GAK: variants seen among roughly 807,000 people sequenced by gnomAD.
GAK encodes cyclin G associated kinase.
A neutral mutation model predicts 143.9 loss-of-function variants in GAK; 79 were observed. The observed-to-expected ratio is 0.55, with a 90% CI of 0.46 to 0.66. The LOEUF (loss-of-function observed/expected upper bound fraction) is 0.66. Among genes scored for constraint, GAK ranks in the 30% least tolerant of loss-of-function variants. The probability of loss-of-function intolerance (pLI) is 0.00; values close to 1 mark genes in which losing one functional copy is unlikely to be tolerated. For synonymous variants in GAK, 881 were observed against 765.5 expected (o/e 1.15, Z -2.49); for missense variants, 1,693 against 1,779.7 (o/e 0.95, Z 0.88).
rs1410684049 is a variant in GAK, at chr4:866,927, C to A, written c.2872+29G>T. Reference sequence around the variant, plus strand: ...GCCTCATCACTCATCTACTGTGAAGCCACTCGCCTTCAGAACAGAAACACG... The same window carrying A: ...GCCTCATCACTCATCTACTGTGAAGACACTCGCCTTCAGAACAGAAACACG... On this transcript the variant is annotated intron_variant, in intron 21 of 27. Coordinates refer to ENST00000314167, the MANE Select transcript of GAK (RefSeq NM_005255.4). 4 of 1,401,412 alleles carry A rather than the reference C, an allele frequency of 2.9e-6. No homozygotes were observed. In the East Asian group the frequency reaches 7.2e-5, roughly 25 times the overall value. 86.8% of individuals were successfully genotyped at this position (1,401,412 alleles called of 1,614,324 possible).
At chr4:877,236 T>A (rs1281550932) in intron 16 of GAK, 29 bp from the exon 17 acceptor site, 2 of 1,506,388 alleles carry the variant, frequency 1.3e-6, no homozygotes, top group Admixed American at 1.7e-5. Context: ...GAGAAAAATT[T>A]TAAAAACCCC....
At chr4:882,338 C>A (rs1715307568) in intron 14 of GAK, among the ~76,000 whole-genome samples, 2 of 152,230 alleles carry the variant, frequency 1.3e-5, no homozygotes, top group Non-Finnish European at 1.5e-5. Context: ...CCCACAGTGG[C>A]AGCTGCCACA....
chr4:913,616 A>T lies in GAK; in HGVS notation c.198T>A (p.Tyr66Ter). Reference sequence around the variant, plus strand: ...TTAAATGGTTCATTACCTTTAATGCATACTCTCTGCCACTCCCCACATCTT... The same window carrying T: ...TTAAATGGTTCATTACCTTTAATGCTTACTCTCTGCCACTCCCCACATCTT... ...EAQDVGSGRE[Y>*]ALKRLLSNEE... Residue 66 changes from tyrosine to a stop codon, truncating the protein, a stop_gained, in exon 2 of 28, where the codon TAT becomes TAA. Transcript: ENST00000314167. LOFTEE classifies it high-confidence loss of function. 2 of 1,612,980 alleles carry T rather than the reference A, an allele frequency of 1.2e-6. No homozygotes were observed. Among genetic ancestry groups the T allele is most frequent in the Non-Finnish European group, 8.5e-7 (1 of 1,178,980 alleles).
At chr4:898,184 G>A (rs373688105) in intron 5 of GAK, 26 bp from the exon 6 acceptor site, 73 of 1,611,962 alleles carry the variant, frequency 4.5e-5, no homozygotes, top group East Asian at 1.8e-4. Context: ...AGACAGCCCC[G>A]TGAACTTGGC....
intron 24 of GAK, chr4:853,674 T>C (rs9993159): frequency 0.62 from 94,604 of 152,120 alleles, 29,574 homozygotes; most frequent in South Asian, 0.81. Context: ...GCCTCCTCCG[T>C]GTTCGGGCCT....
chr4:925,123 G>A (rs1328340479), intron 1 of GAK, among the ~76,000 whole-genome samples: 1 of 152,188 alleles, frequency 6.6e-6, no homozygotes, highest in Non-Finnish European at 1.5e-5. Context: ...CAGAAGGGGA[G>A]GCTGAGCAGC....
At chr4:877,883 A>G (rs986677929) in intron 15 of GAK, 74 bp from the exon 16 acceptor site, 40 of 1,372,110 alleles carry the variant, frequency 2.9e-5, no homozygotes, top group Non-Finnish European at 3.8e-5. Context: ...TGTCTTTCGA[A>G]TAGAAGTTTT....
In GAK at chr4:882,058, G is replaced by A. The variant is rs889292694; in HGVS notation, c.1528-18C>T. On this transcript the variant is annotated intron_variant, in intron 14 of 27. Coordinates refer to ENST00000314167, the MANE Select transcript of GAK (RefSeq NM_005255.4). ...CTCCCGTCCTAGGACAGACAGACAC[G>A]TCTCGCGTGCGCCTCGCACTCATGC... 24 of 1,587,562 alleles carry A rather than the reference G, an allele frequency of 1.5e-5. 1 individual carries two copies. The highest frequency in any genetic ancestry group is 3.4e-5 in the South Asian group (3 of 87,892).
intron 10 of GAK, 40 bp from the exon 11 acceptor site, chr4:889,010 G>A: frequency 4.4e-6 from 7 of 1,589,368 alleles, no homozygotes; most frequent in Non-Finnish European, 6.0e-6. Context: ...CAGGTGCTCG[G>A]TCCCACCTCC....
intron 20 of GAK, 145 bp from the exon 21 acceptor site, chr4:867,577 T>TCAGGGCCTCCTCGGCC (rs1751448630): frequency 7.7e-6 from 4 of 520,248 alleles, no homozygotes. Context: ...GCGCGTCCCT[T>TCAGGGCCTCCTCGGCC]CAGGGCCTCC....
In GAK at chr4:932,136, C is replaced by G. The variant is rs1725987898; in HGVS notation, c.52G>C (p.Gly18Arg). The change falls in exon 1 of 28, where the codon GGC becomes CGC. Residue 18 changes from glycine (G) to arginine (R), a missense_variant. Physicochemically the swap from Gly to Arg is moderately radical, Grantham distance 125. Around this residue, in one of 2 missense-constraint regions of GAK, gnomAD observed 871 missense variants for 991.0 expected, o/e 0.88. Coordinates refer to ENST00000314167, the MANE Select transcript of GAK (RefSeq NM_005255.4). This position sits in a 1 kb window ranked among gnomAD's most constrained non-coding sequence, Gnocchi z 4.0. ...CTCTGGTCGCGGCCGGAAGCACCGC[C>G]CAGGGAGCCTGGACCCGCCAAGAAG... ...LDFLAGPGSL[G>R]GASGRDQSDF... 6.3e-7 allele frequency: 1 copy of G among 1,588,032 alleles called. No individual in the cohort carries two copies. Among genetic ancestry groups the G allele is most frequent in the Non-Finnish European group, 8.6e-7 (1 of 1,167,906 alleles).
intron 5 of GAK, among the ~76,000 whole-genome samples, chr4:902,604 A>AAAAAACAAAAAC (rs1164550725): frequency 4.7e-5 from 7 of 149,650 alleles, no homozygotes; most frequent in Non-Finnish European, 1.0e-4. Context: ...CTCAAAAAAA[A>AAAAAACAAAAAC]AAAAAAAAAA....
chr4:856,397 AC>A (rs1749209445), intron 24 of GAK, among the ~76,000 whole-genome samples: 1 of 48,028 alleles, frequency 2.1e-5, no homozygotes, highest in Non-Finnish European at 4.2e-5. Flanking sequence ...ACACCTGCTC[AC>A]CACCACAGCT....
chr4:858,353 C>T (rs1479189592), intron 24 of GAK, among the ~76,000 whole-genome samples: 2 of 152,198 alleles, frequency 1.3e-5, no homozygotes, highest in Admixed American at 6.5e-5. Flanking sequence ...GGTTTCAGGC[C>T]GCCCACCGAG....
Position 893,436 on chromosome 4 carries a change from G to GC in GAK, c.930dup (p.His311AlafsTer92). ...GCGGCCGCGATCTCCTGCAGCTGGT[G>GC]CACCACCTCGGCGATGGACAGCCGC... On this transcript the variant is annotated frameshift_variant, in exon 9 of 28. Coordinates refer to ENST00000314167, the MANE Select transcript of GAK (RefSeq NM_005255.4). LOFTEE classifies it high-confidence loss of function. 1.3e-6 allele frequency: 2 copies of GC among 1,593,658 alleles called. No homozygotes were observed. The highest frequency in any genetic ancestry group is 1.7e-6 in the Non-Finnish European group (2 of 1,170,690).
At position 932,235 on chromosome 4, in the gene GAK, G is replaced by A; in HGVS notation, c.-48C>T. 2.7e-6 allele frequency: 4 copies of A among 1,483,252 alleles called. No homozygotes were observed. The allele number at this position is 1,483,252 out of a possible 1,614,324, so 91.9% of individuals were successfully genotyped here. The stretch of plus-strand genomic sequence containing the variant: ...GCGGCAGCCGGAGTGGTCGGGCTCG[G>A]GCTCCCGCTCCCTCGCCGTCCGGGT... On this transcript the variant is annotated 5_prime_UTR_variant, in exon 1 of 28. Transcript: ENST00000314167. The surrounding 1 kb of genome is among the most constrained non-coding windows in gnomAD (Gnocchi z 4.0).
chr4:869,031 C>T (rs1162780884), intron 19 of GAK: 2 of 285,280 alleles, frequency 7.0e-6, no homozygotes, highest in African/African-American at 2.2e-5. Flanking sequence ...AGCACACACA[C>T]AGGCGCACAG....
At chr4:911,521 C>T in intron 4 of GAK, 152 bp downstream of exon 4, 1 of 556,672 alleles carries the variant, frequency 1.8e-6, no homozygotes, top group Non-Finnish European at 3.3e-6. Context: ...CACAGAACTA[C>T]TGTCAGAGAG....
At chr4:930,422 C>G (rs962667856) in intron 1 of GAK, among the ~76,000 whole-genome samples, 2 of 151,708 alleles carry the variant, frequency 1.3e-5, no homozygotes, top group African/African-American at 4.9e-5. Flanking sequence ...AAGTGACCCA[C>G]AAGCTTCTTT....
Sources: gnomAD v4.1 joint callset for allele counts (sites outside exome capture counted in the v4.1 genomes callset) on GRCh38, gnomAD v4.1.1 for gene constraint, gnomAD v4.1.1 regional missense constraint, Gnocchi (gnomAD v3.1) non-coding constraint, MANE v1.5 for transcripts, NCBI Gene and HGNC (gene_info 2026-07-23, HGNC 2026-07-21) for gene names.